The following SLC4A11 variants were observed in gnomAD, a reference collection of about 807,000 sequenced individuals.
The protein encoded by SLC4A11 is solute carrier family 4 member 11, also known as bicarbonate transporter related protein 1.
Under a neutral mutation model 95.0 loss-of-function variants are expected in SLC4A11, and 74 were observed. The ratio of observed to expected loss-of-function variants is 0.78; its 90% CI spans 0.65 to 0.95. The LOEUF is 0.95. SLC4A11 is among the 40% of genes least tolerant of loss of function. The pLI, the probability that SLC4A11 is intolerant of heterozygous loss-of-function variation, is 0.00. For synonymous variants in SLC4A11, 548 were observed against 519.0 expected, an observed-to-expected ratio of 1.06 and a Z score of -0.76; for missense variants, 1,081 against 1,192.4, an observed-to-expected ratio of 0.91 and a Z score of 1.38.
chr20:3,230,396 C>T (rs997222495), intron 12 of SLC4A11, 119 bp downstream of exon 12: 10 of 1,586,248 alleles, frequency 6.3e-6, no homozygotes, highest in Non-Finnish European at 7.8e-6. Flanking sequence ...TGCCTGAGCC[C>T]ACCCCAGCCC....
At chr20:3,228,453 G>A (rs752564270) in intron 18 of SLC4A11, 25 bp from the exon 19 acceptor site, 5 of 1,612,906 alleles carry the variant, frequency 3.1e-6, no homozygotes, top group Non-Finnish European at 4.2e-6. Flanking sequence ...GACCGGGTGT[G>A]GGCAGGCATG....
Position 3,233,589 on chromosome 20 carries a change from C to T in SLC4A11, c.654G>A (p.Leu218=), listed in dbSNP as rs764988903. Residue 218 remains leucine (L), a synonymous_variant, in exon 7 of 20, where the codon CTG becomes CTA. Transcript: ENST00000642402. ...LQKRHVCISR[L]VRPQNWGENS... is the part of the protein sequence containing the mutation. ...TCTCCCCCCAGTTCTGTGGGCGAAC[C>T]AGGCGGCTGATGCACACGTGCCGCT... The T allele has an allele frequency of 6.2e-7, 1 of 1,613,734 alleles. No homozygotes were observed. The highest frequency in any genetic ancestry group is 8.5e-7 in the Non-Finnish European group (1 of 1,180,020).
intron 2 of SLC4A11, among the ~76,000 whole-genome samples, chr20:3,235,641 G>A (rs923108056): frequency 1.3e-5 from 2 of 152,058 alleles, no homozygotes; most frequent in Non-Finnish European, 2.9e-5. Flanking sequence ...GTGAGAGCCT[G>A]CTCCCCTTGG....
Position 3,228,259 on chromosome 20 carries a change from C to T in SLC4A11, c.2558G>A (p.Arg853His), listed in dbSNP as rs121909392. The T allele has an allele frequency of 8.7e-6, 14 of 1,612,362 alleles. No individual in the cohort carries two copies. Among genetic ancestry groups the T allele is most frequent in the East Asian group, 2.2e-5 (1 of 44,842 alleles). The change falls in exon 19 of 20, where the codon CGC (arginine) becomes CAC (histidine). Residue 853 changes from arginine to histidine, a missense_variant and splice_region_variant. This residue lies in a region of SLC4A11 where 767 missense variants were observed against 858.0 expected (regional missense o/e 0.89). Transcript: ENST00000642402. ...PLIMIAMIPI[R>H]YILLPRIIEA... ...CTGCCCACTGCCCACCCGCCTGTAC[C>T]GGATGGGGATCATGGCGATCATGAT...
rs1050054542 is a variant in SLC4A11 at position 3,235,299 on chromosome 20, TCTCTCTCTCTCA to T, written c.89-417_89-406del. Among the ~76,000 whole-genome samples the T allele has an allele frequency of 1.1e-4, 12 of 113,984 alleles. No homozygotes were observed. In the South Asian group the frequency reaches 2.3e-3, roughly 21 times the overall value. The allele number at this position is 113,984 out of a possible 152,430, so 74.8% of individuals were successfully genotyped here. ...ATCCACGTCTCTCTCTCTCTCTCTC[TCTCTCTCTCTCA>T]CACACACACACACACACACACACAC... On this transcript the variant is annotated intron_variant, in intron 2 of 19. Transcript: ENST00000642402.
rs1342638814 is a variant in SLC4A11, at chr20:3,233,992, C to T, written c.534G>A (p.Leu178=). ...CGGTGACCCCTTGGATGGTATCTGA[C>T]AGCAGGTGGACTGAGGAAAGAGTGA... The part of the protein sequence containing the change: ...GAPMRGKVHL[L]SDTIQGVTAT... The change falls in exon 6 of 20, where the codon CTG becomes CTA. Residue 178 remains leucine, a synonymous_variant. Coordinates refer to ENST00000642402, the MANE Select transcript of SLC4A11 (RefSeq NM_001174089.2). The T allele has an allele frequency of 1.9e-6, 3 of 1,613,958 alleles. No homozygotes were observed. The highest frequency in any genetic ancestry group is 2.5e-6 in the Non-Finnish European group (3 of 1,180,012).
At chr20:3,238,960 C>T (rs2068073725) in intron 1 of SLC4A11, 135 bp downstream of exon 1, 5 of 1,277,290 alleles carry the variant, frequency 3.9e-6, no homozygotes, top group Non-Finnish European at 4.9e-6. Context: ...GGCTGGGAAT[C>T]CCGCAGCCCT....
chr20:3,238,110 C>T, intron 1 of SLC4A11: 3 of 1,455,840 alleles, frequency 2.1e-6, no homozygotes, highest in Non-Finnish European at 1.8e-6. Flanking sequence ...CCGGGTCACA[C>T]GGGGGCCGAC....
At position 3,234,722 on chromosome 20, in the gene SLC4A11, C is replaced by G. The variant is rs1412258586; in HGVS notation, c.241+20G>C. The G allele has an allele frequency of 1.2e-6, 2 of 1,613,962 alleles. No homozygotes were observed. The highest frequency in any genetic ancestry group is 3.3e-5 in the Admixed American group (2 of 60,026). ...AGTCCCGTGCCTTCCCCCAGTCTGC[C>G]CCTGCTGCAGCCCCCATACCAGTGT... On this transcript the variant is annotated intron_variant, in intron 3 of 19. Transcript: ENST00000642402. The surrounding 1 kb of genome is among the most constrained non-coding windows in gnomAD (Gnocchi z 5.8).
Position 3,228,438 on chromosome 20 carries a change from G to A in SLC4A11, c.2389-10C>T. The A allele has an allele frequency of 1.9e-6, 3 of 1,613,106 alleles. No individual in the cohort carries two copies. The South Asian group carries it at 3.3e-5, about 18-fold the overall frequency. On this transcript the variant is annotated splice_polypyrimidine_tract_variant and intron_variant, in intron 18 of 19. Coordinates refer to ENST00000642402, the MANE Select transcript of SLC4A11 (RefSeq NM_001174089.2). ...TCGGGGGGTACGCAGTCTGTGGGCG[G>A]CAGGGACCGGGTGTGGGCAGGCATG...
Position 3,234,645 on chromosome 20 carries a change from G to A in SLC4A11, c.242-28C>T. 4 of 1,613,878 alleles carry A rather than the reference G, an allele frequency of 2.5e-6. No homozygotes were observed. Among genetic ancestry groups the A allele is most frequent in the Non-Finnish European group, 3.4e-6 (4 of 1,180,016 alleles). The stretch of plus-strand genomic sequence containing the variant: ...GCCGGAGAAAAGCGGGGAGGGCTCA[G>A]GGTGCCACCCTCTCCTCAGGTCTTT... On this transcript the variant is annotated intron_variant, in intron 3 of 19. Transcript: ENST00000642402. The surrounding 1 kb of genome is among the most constrained non-coding windows in gnomAD (Gnocchi z 5.8).
chr20:3,236,359 G>A (rs1318636230), intron 2 of SLC4A11, among the ~76,000 whole-genome samples: 3 of 152,190 alleles, frequency 2.0e-5, no homozygotes, highest in Non-Finnish European at 4.4e-5. Flanking sequence ...GGCGGATCAC[G>A]AGGTCAGGAG....
intron 2 of SLC4A11, among the ~76,000 whole-genome samples, chr20:3,235,309 TCACACACACACACA>T (rs58744452): frequency 0.25 from 30,517 of 123,706 alleles, 4,063 homozygotes; most frequent in East Asian, 0.39. Flanking sequence ...TCTCTCTCTC[TCACACACACACACA>T]CACACACACA....
Position 3,231,700 on chromosome 20 carries a change from C to A in SLC4A11, c.730-152G>T. The A allele has an allele frequency of 1.4e-6, 1 of 716,102 alleles. No homozygotes were observed. Among genetic ancestry groups the A allele is most frequent in the Non-Finnish European group, 2.4e-6 (1 of 418,422 alleles). 44.4% of individuals were successfully genotyped at this position (716,102 alleles called of 1,614,324 possible). ...AGACAGGGTCTCACTGTCACCCAGG[C>A]TGAGTGCAGTGGCACACTCACGGCT... On this transcript the variant is annotated intron_variant, in intron 7 of 19. Coordinates refer to ENST00000642402, the MANE Select transcript of SLC4A11 (RefSeq NM_001174089.2). This position sits in a 1 kb window ranked among gnomAD's most constrained non-coding sequence, Gnocchi z 5.2.
rs1050268218 is a variant in SLC4A11 at position 3,234,367 on chromosome 20, A to G, written c.292-53T>C. 1 of 1,563,016 alleles carries G rather than the reference A, an allele frequency of 6.4e-7. No individual in the cohort carries two copies. Among genetic ancestry groups the G allele is most frequent in the African/African-American group, 1.4e-5 (1 of 74,004 alleles). On this transcript the variant is annotated intron_variant, in intron 4 of 19. Transcript: ENST00000642402. This position sits in a 1 kb window ranked among gnomAD's most constrained non-coding sequence, Gnocchi z 5.8. ...ACGGGCCCATGTATGAGATGCTGTC[A>G]CTGCCTGGTCCCTCCCTCCCAGCCA...
At chr20:3,237,734 A>C (rs907882413) in intron 1 of SLC4A11, 146 bp from the exon 2 acceptor site, 52 of 1,613,686 alleles carry the variant, frequency 3.2e-5, no homozygotes, top group Non-Finnish European at 5.1e-6. Context: ...AAAGGGAAGC[A>C]GGGGACAGTG....
At chr20:3,237,423 C>A in intron 2 of SLC4A11, 121 bp downstream of exon 2, 1 of 1,021,798 alleles carries the variant, frequency 9.8e-7, no homozygotes, top group South Asian at 1.3e-5. Context: ...AGCATTCCAG[C>A]ACTAGAGTGG....
Position 3,234,998 on chromosome 20 carries a change from C to T in SLC4A11, c.89-104G>A, listed in dbSNP as rs2067923948. ...AGGGACCCCTGGACTGTCCCACTCTCGGGCCGTGGTGGGAGAGGCCATCCC... is the reference window on the plus strand; with the variant it reads ...AGGGACCCCTGGACTGTCCCACTCTTGGGCCGTGGTGGGAGAGGCCATCCC... On this transcript the variant is annotated intron_variant, in intron 2 of 19. Coordinates refer to ENST00000642402, the MANE Select transcript of SLC4A11 (RefSeq NM_001174089.2). This position sits in a 1 kb window ranked among gnomAD's most constrained non-coding sequence, Gnocchi z 5.8. 7 of 1,455,662 alleles carry T rather than the reference C, an allele frequency of 4.8e-6. No individual in the cohort carries two copies. Among genetic ancestry groups the T allele is most frequent in the South Asian group, 4.6e-5 (4 of 86,908 alleles). 90.2% of individuals were successfully genotyped at this position (1,455,662 alleles called of 1,614,324 possible). A position where few individuals can be genotyped will look rare whatever the true frequency, so the allele number is the denominator to read the frequency against.
At position 3,239,156 on chromosome 20, in the gene SLC4A11, C is replaced by G. The variant is rs866763142; in HGVS notation, c.-19G>C. On this transcript the variant is annotated 5_prime_UTR_variant, in exon 1 of 20. Transcript: ENST00000642402. ...CGGCCATGGCACACTCGCGCACTCACGGCCGGGCTCCTCACGCGGCGCTCC... is the reference window on the plus strand; with the variant it reads ...CGGCCATGGCACACTCGCGCACTCAGGGCCGGGCTCCTCACGCGGCGCTCC... 91 of 1,449,584 alleles carry G rather than the reference C, an allele frequency of 6.3e-5. No individual in the cohort carries two copies. The African/African-American group carries it at 9.9e-4, about 16-fold the overall frequency. The allele number at this position is 1,449,584 out of a possible 1,614,324, so 89.8% of individuals were successfully genotyped here.
Sources: allele counts gnomAD v4.1 joint callset (sites outside exome capture counted in the v4.1 genomes callset), GRCh38; gene constraint gnomAD v4.1.1; regional missense constraint gnomAD v4.1.1; non-coding constraint Gnocchi (gnomAD v3.1); transcripts MANE v1.5; gene names NCBI Gene and HGNC (gene_info 2026-07-23, HGNC 2026-07-21).